The following ANTXR1 variants were observed in gnomAD, a reference collection of about 807,000 sequenced individuals.
ANTXR1 encodes anthrax toxin receptor 1.
A neutral mutation model predicts 78.1 loss-of-function variants in ANTXR1; 19 were observed. The ratio of observed to expected loss-of-function variants is 0.24; its 90% confidence interval spans 0.17 to 0.36. ANTXR1 has a LOEUF of 0.36. Among genes scored for constraint, ANTXR1 ranks in the 10% least tolerant of loss-of-function variants. The probability of loss-of-function intolerance (pLI) is 1.00; values close to 1 mark genes in which losing one functional copy is unlikely to be tolerated. For synonymous variants in ANTXR1, 273 were observed against 260.5 expected, an observed-to-expected ratio of 1.05 and a Z score of -0.46; for missense variants, 518 against 718.6, an observed-to-expected ratio of 0.72 and a Z score of 3.19.
chr2:69,206,272 G>A (rs938137353), intron 17 of ANTXR1, among the ~76,000 whole-genome samples: 2 of 152,214 alleles, frequency 1.3e-5, no homozygotes, highest in Non-Finnish European at 2.9e-5. Flanking sequence ...CCTGACTTAA[G>A]TACAAGCTTT....
At position 69,073,746 on chromosome 2, in the gene ANTXR1, C is replaced by T. The variant is rs537020646; in HGVS notation, c.492+645C>T. The stretch of plus-strand genomic sequence containing the variant: ...AATTGAAAACTAATGTTTATACTTA[C>T]GAAATTCTTTTCTTTCAAGTTTCAC... On this transcript the variant is annotated intron_variant, in intron 6 of 17. Transcript: ENST00000303714. 1.1e-4 allele frequency among the ~76,000 whole-genome samples: 16 copies of T among 152,098 alleles called. 1 individual carries two copies. Among genetic ancestry groups the T allele is most frequent in the East Asian group, 1.9e-4 (1 of 5,204 alleles).
rs139952360 is a variant in ANTXR1, at chr2:69,037,057, A to T, written c.153-2987A>T. 5.6e-3 allele frequency among the ~76,000 whole-genome samples: 848 copies of T among 152,284 alleles called. 26 individuals are homozygous for T. The East Asian group carries it at 0.077, about 14-fold the overall frequency. Reference sequence around the variant, plus strand: ...TGCCATTCTGTTCAGAGATCTCCTGATGATCATGTGGGCCCAGTCACCAAG... The same window carrying T: ...TGCCATTCTGTTCAGAGATCTCCTGTTGATCATGTGGGCCCAGTCACCAAG... On this transcript the variant is annotated intron_variant, in intron 1 of 17. Coordinates refer to ENST00000303714, the MANE Select transcript of ANTXR1 (RefSeq NM_032208.3).
chr2:69,134,970 A>G, intron 12 of ANTXR1: 1 of 341,594 alleles, frequency 2.9e-6, no homozygotes, highest in Non-Finnish European at 6.1e-6. Flanking sequence ...TATTATTATG[A>G]TTACTATTAT....
chr2:69,143,619 G>T (rs967111276), intron 12 of ANTXR1, among the ~76,000 whole-genome samples: 1 of 152,012 alleles, frequency 6.6e-6, no homozygotes, highest in Non-Finnish European at 1.5e-5. Context: ...ACAACCCATC[G>T]AGAGTTTTAG....
chr2:69,131,839 AGGAGCTTGAGCATAATTTAACAGG>A (rs1672757313), intron 12 of ANTXR1, among the ~76,000 whole-genome samples: 1 of 152,216 alleles, frequency 6.6e-6, no homozygotes, highest in African/African-American at 2.4e-5. Context: ...TTCATATCCA[AGGAGCTTGAGCATAATTTAACAGG>A]GGAAAAAATC....
At chr2:69,243,547 T>C (rs1375746769) in intron 17 of ANTXR1, among the ~76,000 whole-genome samples, 4 of 152,138 alleles carry the variant, frequency 2.6e-5, no homozygotes, top group Non-Finnish European at 2.9e-5. Flanking sequence ...GAGGGAAGGT[T>C]TGCTCAGCAT....
intron 17 of ANTXR1, among the ~76,000 whole-genome samples, chr2:69,232,326 C>T (rs1675639191): frequency 6.6e-6 from 1 of 150,742 alleles, no homozygotes; most frequent in South Asian, 2.1e-4. Context: ...TAACTTAGGC[C>T]ACAAAGAAAA....
intron 16 of ANTXR1, among the ~76,000 whole-genome samples, chr2:69,183,476 C>A (rs1315713905): frequency 6.6e-6 from 1 of 151,962 alleles, no homozygotes; most frequent in Non-Finnish European, 1.5e-5. Context: ...GATCTCTGCT[C>A]ACTGCAACCT....
At chr2:69,044,334 T>C (rs2104089014) in intron 2 of ANTXR1, among the ~76,000 whole-genome samples, 1 of 152,196 alleles carries the variant, frequency 6.6e-6, no homozygotes, top group African/African-American at 2.4e-5. Context: ...CTGCAACTCA[T>C]CATTAGAGAA....
intron 1 of ANTXR1, among the ~76,000 whole-genome samples, chr2:69,022,971 G>A (rs557460192): frequency 8.6e-4 from 131 of 152,294 alleles, no homozygotes; most frequent in African/African-American, 3.1e-3. Flanking sequence ...TTGTTTACTA[G>A]CCAGGACACT....
At chr2:69,119,002 G>A (rs1036012253) in intron 10 of ANTXR1, among the ~76,000 whole-genome samples, 1 of 152,070 alleles carries the variant, frequency 6.6e-6, no homozygotes, top group Non-Finnish European at 1.5e-5. Flanking sequence ...CACAGCCTCA[G>A]CGAAGCCTTT....
chr2:69,105,971 T>C (rs1671795411), intron 10 of ANTXR1, among the ~76,000 whole-genome samples: 2 of 152,198 alleles, frequency 1.3e-5, no homozygotes, highest in African/African-American at 4.8e-5. Context: ...AAAAATGATA[T>C]GGATAGTGGG....
chr2:69,097,351 A>G (rs1671461788), intron 9 of ANTXR1, among the ~76,000 whole-genome samples: 1 of 152,272 alleles, frequency 6.6e-6, no homozygotes, highest in Non-Finnish European at 1.5e-5. Context: ...TTTCAGCAGC[A>G]GTTGTATTCC....
At chr2:69,120,440 C>CGGAGCACAAGGTCA (rs1672308664) in intron 10 of ANTXR1, among the ~76,000 whole-genome samples, 1 of 152,046 alleles carries the variant, frequency 6.6e-6, no homozygotes, top group Non-Finnish European at 1.5e-5. Context: ...CCGAGGCAGG[C>CGGAGCACAAGGTCA]GGAGCACAAG....
chr2:69,096,274 A>G (rs1040676631), intron 9 of ANTXR1, among the ~76,000 whole-genome samples: 4 of 7,728 alleles, frequency 5.2e-4, no homozygotes, highest in Admixed American at 4.1e-3. Context: ...GGAAGGAAGG[A>G]AGGAAGGAAG....
chr2:69,159,337 G>GC (rs2104439049), intron 13 of ANTXR1, among the ~76,000 whole-genome samples: 1 of 152,206 alleles, frequency 6.6e-6, no homozygotes, highest in East Asian at 1.9e-4. Context: ...CTTTGGAAGA[G>GC]CCGAGGCAGG....
chr2:69,233,454 G>T (rs1024604380), intron 17 of ANTXR1, among the ~76,000 whole-genome samples: 1 of 151,640 alleles, frequency 6.6e-6, no homozygotes, highest in African/African-American at 2.4e-5. Context: ...ATATATATCA[G>T]TAGGTGAAAA....
intron 16 of ANTXR1, among the ~76,000 whole-genome samples, chr2:69,189,760 G>A (rs931646563): frequency 6.6e-6 from 1 of 152,164 alleles, no homozygotes; most frequent in African/African-American, 2.4e-5. Flanking sequence ...ATGATTCCTG[G>A]TACCCAGTGT....
intron 10 of ANTXR1, among the ~76,000 whole-genome samples, chr2:69,114,799 T>C (rs979102999): frequency 6.6e-6 from 1 of 152,146 alleles, no homozygotes; most frequent in African/African-American, 2.4e-5. Context: ...CAAGGAGGGC[T>C]TTATCAAGAG....
Sources: gnomAD v4.1 joint callset for allele counts (sites outside exome capture counted in the v4.1 genomes callset) on GRCh38, gnomAD v4.1.1 for gene constraint, MANE v1.5 for transcripts, NCBI Gene and HGNC (gene_info 2026-07-23, HGNC 2026-07-21) for gene names.